MED14: variants seen among roughly 807,000 people sequenced by gnomAD.
MED14 encodes mediator of RNA polymerase II transcription subunit 14.
A neutral mutation model predicts 109.0 loss-of-function variants in MED14; 8 were observed. That is an observed-to-expected ratio of 0.07 (90% CI 0.04 to 0.13). MED14 has a LOEUF of 0.13. Ranked by LOEUF, MED14 falls within the 10% of genes least tolerant of loss-of-function variation. The pLI is 1.00. For missense variants in MED14, 711 were observed against 1,142.4 expected (o/e 0.62, Z 5.44); for synonymous variants, 399 against 408.7 (o/e 0.98, Z 0.29).
chrX:40,735,452 C>A lies in MED14; in HGVS notation c.-40G>T. 2 of 1,099,044 alleles carry A rather than the reference C, an allele frequency of 1.8e-6. No homozygotes were observed. Among genetic ancestry groups the A allele is most frequent in the Non-Finnish European group, 2.4e-6 (2 of 822,595 alleles). The allele number at this position is 1,099,044 out of a possible 1,213,427, so 90.6% of individuals were successfully genotyped here. ...GGGCTTGGCGCAACGGCACACGATG[C>A]GGTCCTCGAGCCTCCCGGGCGCTCG... On this transcript the variant is annotated 5_prime_UTR_variant, in exon 1 of 31. Transcript: ENST00000324817.
At position 40,703,562 on chromosome X, in the gene MED14, T is replaced by C; in HGVS notation, c.1293A>G (p.Ile431Met). 8.6e-7 allele frequency: 1 copy of C among 1,164,580 alleles called. No individual in the cohort carries two copies. The highest frequency in any genetic ancestry group is 1.9e-5 in the South Asian group (1 of 51,545). The part of the protein sequence containing the change: ...RGFNANENSS[I>M]ETALPALVVP... ...CAACAAGAGCTGGGAGTGCAGTCTCTATGGAAGCTGAACAATCAAGAATTA... is the reference window on the plus strand; with the variant it reads ...CAACAAGAGCTGGGAGTGCAGTCTCCATGGAAGCTGAACAATCAAGAATTA... Residue 431 changes from isoleucine (I) to methionine (M), a missense_variant, in exon 11 of 31, where the codon ATA (isoleucine) becomes ATG (methionine). This residue lies in a region of MED14 where 388 missense variants were observed against 517.3 expected (regional missense o/e 0.75). Coordinates refer to ENST00000324817, the MANE Select transcript of MED14 (RefSeq NM_004229.4).
chrX:40,714,966 C>T (rs919033377), intron 3 of MED14: 7 of 286,300 alleles, frequency 2.4e-5, no homozygotes, highest in South Asian at 9.8e-5. Context: ...CTTAACATTA[C>T]ACACACATAA....
At chrX:40,656,039 A>C (rs1164189363) in intron 28 of MED14, among the ~76,000 whole-genome samples, 1 of 111,027 alleles carries the variant, frequency 9.0e-6, no homozygotes, top group Non-Finnish European at 1.9e-5. Flanking sequence ...ATACCTCCTC[A>C]TATTTGACAC....
At chrX:40,715,636 A>C (rs1034001310) in intron 3 of MED14, among the ~76,000 whole-genome samples, 2 of 108,467 alleles carry the variant, frequency 1.8e-5, no homozygotes, top group Admixed American at 9.8e-5. Context: ...AATACAAAAA[A>C]TTAGCTGGGC....
In MED14 at chrX:40,659,464, A is replaced by T. The variant is rs147145468; in HGVS notation, c.3828T>A (p.Asp1276Glu). The change falls in exon 27 of 31, where the codon GAT becomes GAA. Residue 1276 changes from aspartate to glutamate, a missense_variant. Transcript: ENST00000324817. Reference protein sequence around the residue: ...TPENAGQWKPDELQVLEKFFE... With the variant: ...TPENAGQWKPEELQVLEKFFE... The stretch of plus-strand genomic sequence containing the variant: ...AGAATTTCTCCAAAACTTGAAGTTC[A>T]TCAGGTTTCCACTGTCCTGCATTTT... 102 of 1,209,844 alleles carry T rather than the reference A, an allele frequency of 8.4e-5. No homozygotes were observed. In the African/African-American group the frequency reaches 1.7e-3, roughly 20 times the overall value.
chrX:40,712,284 G>A lies in MED14; in HGVS notation c.791C>T (p.Ala264Val). The change falls in exon 7 of 31, where the codon GCT (alanine) becomes GTT (valine). Residue 264 changes from alanine (A) to valine (V), a missense_variant. This residue lies in a region of MED14 where 388 missense variants were observed against 517.3 expected (regional missense o/e 0.75). Transcript: ENST00000324817. ...VEDKETGDGR[A>V]LVHSMQISFI... ...GCTGATTTGCATGCTATGAACCAAA[G>A]CTCGCCCATCTTCCGTTGGCAGAAG... 8.3e-7 allele frequency: 1 copy of A among 1,202,462 alleles called. No homozygotes were observed. Among genetic ancestry groups the A allele is most frequent in the South Asian group, 1.8e-5 (1 of 55,583 alleles).
chrX:40,650,258 A>G lies in MED14; in HGVS notation c.*1548T>C, dbSNP rs1928814691. The stretch of plus-strand genomic sequence containing the variant: ...AGAGTTGGGTGAGAAGTGGGAGATG[A>G]AGGCAGAAATAAGACAAAGAAGAAA... On this transcript the variant is annotated 3_prime_UTR_variant, in exon 31 of 31. Transcript: ENST00000324817. The G allele has an allele frequency of 1.3e-6, 1 of 752,263 alleles. No individual in the cohort carries two copies. The highest frequency in any genetic ancestry group is 2.3e-5 in the African/African-American group (1 of 43,343). 62.0% of individuals were successfully genotyped at this position (752,263 alleles called of 1,213,427 possible). A position where few individuals can be genotyped will look rare whatever the true frequency, so the allele number is the denominator to read the frequency against.
chrX:40,675,181 C>T, intron 22 of MED14, 40 bp downstream of exon 22: 1 of 1,115,998 alleles, frequency 9.0e-7, no homozygotes, highest in Non-Finnish European at 1.2e-6. Context: ...TGTGAAGTTA[C>T]AGAAATGTGA....
chrX:40,735,624 G>C (rs1932239735), upstream of MED14: 4 of 502,675 alleles, frequency 8.0e-6, no homozygotes, highest in Middle Eastern at 4.5e-4. Context: ...AGGGGCGGGG[G>C]GAGGCGGGGA....
chrX:40,709,403 A>G lies in MED14; in HGVS notation c.1230T>C (p.His410=). The G allele has an allele frequency of 6.9e-6, 8 of 1,157,307 alleles. No homozygotes were observed. Among genetic ancestry groups the G allele is most frequent in the Non-Finnish European group, 8.1e-6 (7 of 860,672 alleles). ...TGGCCTTCAGTTCTTGGAGCTTCTG[A>G]TGAGCTCTTGCATGGACACTGTCAA... ...LLIDSVHARA[H]QKLQELKAIL... The change falls in exon 10 of 31, where the codon CAT becomes CAC. Residue 410 remains histidine, a synonymous_variant. Transcript: ENST00000324817.
chrX:40,722,982 T>C (rs970085151), intron 3 of MED14, among the ~76,000 whole-genome samples: 3 of 112,208 alleles, frequency 2.7e-5, no homozygotes, highest in Admixed American at 9.4e-5. Flanking sequence ...GGGAGTTATT[T>C]AATCTGAAAG....
At position 40,693,027 on chromosome X, in the gene MED14, T is replaced by G. The variant is rs771525500; in HGVS notation, c.1651-125A>C. 26 of 476,692 alleles carry G rather than the reference T, an allele frequency of 5.5e-5. No individual in the cohort carries two copies. The Admixed American group carries it at 9.8e-4, about 18-fold the overall frequency. The allele number at this position is 476,692 out of a possible 1,213,427, so 39.3% of individuals were successfully genotyped here. On this transcript the variant is annotated intron_variant, in intron 13 of 30. Coordinates refer to ENST00000324817, the MANE Select transcript of MED14 (RefSeq NM_004229.4). ...TAGATGTCTTAAAAAAAAAAAAGGT[T>G]AAATCAATCGTATCAAAAAAAAGCA... is the stretch of plus-strand genomic sequence containing the variant.
Position 40,708,533 on chromosome X carries a change from C to G in MED14, c.1285+815G>C, listed in dbSNP as rs191474229. On this transcript the variant is annotated intron_variant, in intron 10 of 30. Transcript: ENST00000324817. ...ACCTTCGTTACTAGCACTATTAAGA[C>G]TTCCTACTTATAAGGCACTTCACTT... Among the ~76,000 whole-genome samples, 5 of 112,211 alleles carry G rather than the reference C, an allele frequency of 4.5e-5. No individual in the cohort carries two copies. The East Asian group carries it at 8.4e-4, about 19-fold the overall frequency.
chrX:40,694,112 T>G (rs1318558067), intron 13 of MED14, among the ~76,000 whole-genome samples: 1 of 111,557 alleles, frequency 9.0e-6, no homozygotes, highest in Non-Finnish European at 1.9e-5. Context: ...TTGTCCAAGC[T>G]GGTCTTGAAC....
At chrX:40,669,967 T>C (rs138513150) in intron 23 of MED14, among the ~76,000 whole-genome samples, 4 of 112,185 alleles carry the variant, frequency 3.6e-5, no homozygotes, top group African/African-American at 1.3e-4. Context: ...TCATCATACT[T>C]GGCATTACAG....
chrX:40,670,751 G>C (rs1407559602), intron 23 of MED14, among the ~76,000 whole-genome samples: 1 of 98,280 alleles, frequency 1.0e-5, no homozygotes, highest in East Asian at 3.2e-4. Flanking sequence ...CTGGGCGACA[G>C]AGCGAGACTC....
At chrX:40,726,696 A>G (rs1435178935) in intron 3 of MED14, 50 bp downstream of exon 3, 1 of 1,018,523 alleles carries the variant, frequency 9.8e-7, no homozygotes, top group Admixed American at 2.5e-5. Context: ...TGTCTATCAT[A>G]ACATTCGAAA....
Position 40,651,659 on chromosome X carries a change from G to A in MED14, c.*147C>T, listed in dbSNP as rs1928880689. 4 of 1,052,077 alleles carry A rather than the reference G, an allele frequency of 3.8e-6. No individual in the cohort carries two copies. The highest frequency in any genetic ancestry group is 4.9e-6 in the Non-Finnish European group (4 of 819,983). The allele number at this position is 1,052,077 out of a possible 1,213,427, so 86.7% of individuals were successfully genotyped here. On this transcript the variant is annotated 3_prime_UTR_variant, in exon 31 of 31. Coordinates refer to ENST00000324817, the MANE Select transcript of MED14 (RefSeq NM_004229.4). ...ATGGATGATCATTTTGATGAAAGAA[G>A]TGCACCCTGAAAATTTTTGCCAGTT...
intron 10 of MED14, among the ~76,000 whole-genome samples, chrX:40,704,635 A>C (rs1450091289): frequency 8.9e-6 from 1 of 112,738 alleles, no homozygotes; most frequent in Non-Finnish European, 1.9e-5. Context: ...TGAATCAAAG[A>C]AACAAACCAA....
Sources: gnomAD v4.1 joint callset for allele counts (sites outside exome capture counted in the v4.1 genomes callset) on GRCh38, gnomAD v4.1.1 for gene constraint, gnomAD v4.1.1 regional missense constraint, MANE v1.5 for transcripts, NCBI Gene and HGNC (gene_info 2026-07-23, HGNC 2026-07-21) for gene names.